Variants in EHMT1 observed in about 807,000 individuals in gnomAD.
EHMT1 encodes euchromatic histone lysine methyltransferase 1.
In EHMT1, 15 loss-of-function variants were observed where a neutral mutation model predicts 147.2. The observed-to-expected ratio is 0.10, with a 90% CI of 0.07 to 0.16. The LOEUF is 0.16. EHMT1 is among the 10% of genes least tolerant of loss of function. The pLI is 1.00. For missense variants in EHMT1, 1,587 were observed against 1,772.4 expected (o/e 0.90, Z 1.88); for synonymous variants, 795 against 709.6 (o/e 1.12, Z -1.91).
At chr9:137,650,846 A>T (rs1482178526) in intron 1 of EHMT1, 1 of 151,022 alleles carries the variant, frequency 6.6e-6, no homozygotes, top group Non-Finnish European at 1.5e-5. Context: ...TTTGTTTTTT[A>T]ATTTTTTGTG....
chr9:137,731,029 G>A lies in EHMT1; in HGVS notation c.823+2500G>A, dbSNP rs1187456604. Among the ~76,000 whole-genome samples the A allele has an allele frequency of 6.6e-6, 1 of 152,244 alleles. No homozygotes were observed. The highest frequency in any genetic ancestry group is 1.5e-5 in the Non-Finnish European group (1 of 68,044). Reference sequence around the variant, plus strand: ...AAGTAATGTCTGAAGAGTTGTTAAAGTGTTGAGATTTTCTTTTCCTATTTT... The same window carrying A: ...AAGTAATGTCTGAAGAGTTGTTAAAATGTTGAGATTTTCTTTTCCTATTTT... On this transcript the variant is annotated intron_variant, in intron 4 of 26. Transcript: ENST00000460843. The surrounding 1 kb of genome is among the most constrained non-coding windows in gnomAD (Gnocchi z 4.3).
At chr9:137,622,683 C>T (rs1013785338) in intron 1 of EHMT1, among the ~76,000 whole-genome samples, 1 of 152,120 alleles carries the variant, frequency 6.6e-6, no homozygotes, top group Admixed American at 6.5e-5. Flanking sequence ...ATGAGAGGAT[C>T]CCCTGAGCCC....
chr9:137,640,685 C>G (rs1844419918), intron 1 of EHMT1, among the ~76,000 whole-genome samples: 1 of 152,204 alleles, frequency 6.6e-6, no homozygotes, highest in South Asian at 2.1e-4. Context: ...GGGCCTGGCG[C>G]CCTTTAGCTT....
At position 137,815,943 on chromosome 9, in the gene EHMT1, A is replaced by G. The variant is rs1384142204; in HGVS notation, c.3259-4A>G. 1.3e-6 allele frequency: 2 copies of G among 1,599,902 alleles called. No homozygotes were observed. Among genetic ancestry groups the G allele is most frequent in the South Asian group, 2.3e-5 (2 of 88,516 alleles). On this transcript the variant is annotated splice_polypyrimidine_tract_variant and splice_region_variant and intron_variant, in intron 22 of 26. Coordinates refer to ENST00000460843, the MANE Select transcript of EHMT1 (RefSeq NM_024757.5). ...CTGGGCCCTTGCTGCTCATCTGTCC[A>G]CAGGATGGCCGGCTCCTGCCAGAGT...
intron 1 of EHMT1, among the ~76,000 whole-genome samples, chr9:137,629,307 G>T (rs1589037530): frequency 6.6e-6 from 1 of 151,346 alleles, no homozygotes; most frequent in Non-Finnish European, 1.5e-5. Flanking sequence ...CGTCAGGCTG[G>T]TCTCAAACTC....
intron 1 of EHMT1, among the ~76,000 whole-genome samples, chr9:137,658,354 G>T (rs1038418750): frequency 1.1e-4 from 16 of 152,038 alleles, no homozygotes; most frequent in African/African-American, 3.9e-4. Flanking sequence ...TTTCACCATA[G>T]TGGCCTGGCT....
chr9:137,825,285 T>C (rs1564831754), intron 25 of EHMT1, among the ~76,000 whole-genome samples: 1 of 152,244 alleles, frequency 6.6e-6, no homozygotes, highest in Non-Finnish European at 1.5e-5. Context: ...CTTAGAATTC[T>C]ACATGTGTGT....
intron 4 of EHMT1, chr9:137,743,112 A>G (rs1167307109): frequency 2.2e-6 from 1 of 459,986 alleles, no homozygotes; most frequent in African/African-American, 2.0e-5. Flanking sequence ...TGGGGTGATA[A>G]TGTTTGCTCC....
rs759533007 is a variant in EHMT1, at chr9:137,835,283, C to T, written c.*330C>T. 6 of 234,936 alleles carry T rather than the reference C, an allele frequency of 2.6e-5. No individual in the cohort carries two copies. Among genetic ancestry groups the T allele is most frequent in the Admixed American group, 5.8e-5 (1 of 17,120 alleles). 14.6% of individuals were successfully genotyped at this position (234,936 alleles called of 1,614,324 possible). Reference sequence around the variant, plus strand: ...GTCGTTGCGAAGTTTCTCGTTTCTTCCTCTGACCTCCGAGGTCCCCGCTGC... The same window carrying T: ...GTCGTTGCGAAGTTTCTCGTTTCTTTCTCTGACCTCCGAGGTCCCCGCTGC... On this transcript the variant is annotated 3_prime_UTR_variant, in exon 27 of 27. Coordinates refer to ENST00000460843, the MANE Select transcript of EHMT1 (RefSeq NM_024757.5).
At chr9:137,832,094 GC>G (rs1472292923) in intron 25 of EHMT1, among the ~76,000 whole-genome samples, 1 of 148,590 alleles carries the variant, frequency 6.7e-6, no homozygotes, top group Non-Finnish European at 1.5e-5. Context: ...GCTGCACTTC[GC>G]CCCAGTCCTA....
At chr9:137,798,974 T>G in intron 17 of EHMT1, 60 bp downstream of exon 17, 1 of 1,373,024 alleles carries the variant, frequency 7.3e-7, no homozygotes, top group Non-Finnish European at 1.0e-6. Context: ...AAACTCACTG[T>G]TCTGCAGCTC....
chr9:137,769,650 A>G (rs1024759873), intron 10 of EHMT1, among the ~76,000 whole-genome samples: 1 of 151,906 alleles, frequency 6.6e-6, no homozygotes, highest in African/African-American at 2.4e-5. Context: ...TCTGCCACCA[A>G]TATTTGCTTT....
chr9:137,828,949 G>C lies in EHMT1; in HGVS notation c.3541-5400G>C, dbSNP rs552042652. On this transcript the variant is annotated intron_variant, in intron 25 of 26. Transcript: ENST00000460843. The surrounding 1 kb of genome is among the most constrained non-coding windows in gnomAD (Gnocchi z 5.3). ...AGCCCAGATGGGCCTGGCCCTCCCA[G>C]ATGGCCTCTTTTGCCTCTGGCGAAG... Among the ~76,000 whole-genome samples, 31 of 152,276 alleles carry C rather than the reference G, an allele frequency of 2.0e-4. No homozygotes were observed. The highest frequency in any genetic ancestry group is 7.0e-4 in the African/African-American group (29 of 41,560).
chr9:137,709,824 C>G (rs1944544688), intron 1 of EHMT1, among the ~76,000 whole-genome samples: 1 of 152,130 alleles, frequency 6.6e-6, no homozygotes, highest in South Asian at 2.1e-4. Context: ...CTCAGTTGTT[C>G]CTATTTTATC....
intron 14 of EHMT1, among the ~76,000 whole-genome samples, chr9:137,781,279 T>TGAC (rs1951503730): frequency 2.0e-5 from 1 of 48,864 alleles, no homozygotes; most frequent in Non-Finnish European, 4.2e-5. Context: ...CGTGTGGTGA[T>TGAC]GACGCTGAGA....
intron 12 of EHMT1, chr9:137,777,353 T>TA: frequency 5.2e-6 from 1 of 191,986 alleles, no homozygotes; most frequent in African/African-American, 2.4e-5. Context: ...TAAGAAGAGA[T>TA]AGAAGCCACT....
At chr9:137,724,088 G>T (rs1196189969) in intron 3 of EHMT1, among the ~76,000 whole-genome samples, 1 of 152,220 alleles carries the variant, frequency 6.6e-6, no homozygotes, top group Non-Finnish European at 1.5e-5. Flanking sequence ...TCAGCATGGG[G>T]CCCCTTGTTT....
At chr9:137,690,124 T>A (rs549280457) in intron 1 of EHMT1, among the ~76,000 whole-genome samples, 25 of 152,234 alleles carry the variant, frequency 1.6e-4, no homozygotes, top group Non-Finnish European at 2.9e-4. Context: ...GGGAAAACTG[T>A]GAGAGATGAG....
Position 137,813,637 on chromosome 9 carries a change from T to TG in EHMT1, c.3180+113dup, listed in dbSNP as rs1462115946. ...TCACCACTCAGAGCAGGAGGGCTTA[T>TG]GGGGGGCTTCCCAGGAAGACCTCAT... On this transcript the variant is annotated intron_variant, in intron 21 of 26. Transcript: ENST00000460843. The surrounding 1 kb of genome is among the most constrained non-coding windows in gnomAD (Gnocchi z 4.9). 2.0e-6 allele frequency: 3 copies of TG among 1,495,466 alleles called. No homozygotes were observed. The highest frequency in any genetic ancestry group is 1.8e-6 in the Non-Finnish European group (2 of 1,098,098). The allele number at this position is 1,495,466 out of a possible 1,614,324, so 92.6% of individuals were successfully genotyped here. A position where few individuals can be genotyped will look rare whatever the true frequency, so the allele number is the denominator to read the frequency against.
Sources: allele counts gnomAD v4.1 joint callset (sites outside exome capture counted in the v4.1 genomes callset), GRCh38; gene constraint gnomAD v4.1.1; non-coding constraint Gnocchi (gnomAD v3.1); transcripts MANE v1.5; gene names NCBI Gene and HGNC (gene_info 2026-07-23, HGNC 2026-07-21).